CHD9: variants seen among roughly 807,000 people sequenced by gnomAD.
CHD9 encodes chromodomain helicase DNA binding protein 9.
CHD9 carries 77 observed loss-of-function variants against 316.1 expected under a neutral mutation model. The observed-to-expected ratio is 0.24, with a 90% CI of 0.20 to 0.29. The LOEUF (loss-of-function observed/expected upper bound fraction) is 0.29, where lower values mean the gene tolerates loss of function less well. Ranked by LOEUF, CHD9 falls within the 10% of genes least tolerant of loss-of-function variation. CHD9 has a pLI of 1.00. For synonymous variants in CHD9, 1,129 were observed against 1,158.3 expected (o/e 0.97, Z 0.51); for missense variants, 2,763 against 3,438.1 (o/e 0.80, Z 4.91).
intron 2 of CHD9, among the ~76,000 whole-genome samples, chr16:53,175,520 A>G (rs1295166017): frequency 6.6e-6 from 1 of 152,120 alleles, no homozygotes; most frequent in African/African-American, 2.4e-5. Context: ...GGTCCCTATT[A>G]CTCCATCTTG....
chr16:53,225,548 G>A (rs956063056), intron 4 of CHD9, among the ~76,000 whole-genome samples: 1 of 152,058 alleles, frequency 6.6e-6, no homozygotes, highest in African/African-American at 2.4e-5. Flanking sequence ...AGGGAGGTAA[G>A]TAAAGCCATG....
intron 2 of CHD9, among the ~76,000 whole-genome samples, chr16:53,190,183 A>G (rs2044366973): frequency 6.6e-6 from 1 of 152,136 alleles, no homozygotes; most frequent in South Asian, 2.1e-4. Context: ...GCAGTTTACA[A>G]TATGGCTTTC....
intron 2 of CHD9, among the ~76,000 whole-genome samples, chr16:53,164,944 C>T: frequency 6.6e-6 from 1 of 152,108 alleles, no homozygotes; most frequent in Admixed American, 6.5e-5. Flanking sequence ...CATGAGCCAC[C>T]ACTCCCAGCC....
chr16:53,090,974 T>C (rs563177068), intron 1 of CHD9, among the ~76,000 whole-genome samples: 2 of 151,534 alleles, frequency 1.3e-5, no homozygotes, highest in East Asian at 3.9e-4. Context: ...GCCCTGTGTT[T>C]TGTGGTGTGG....
At chr16:53,138,693 T>A (rs184013400) in intron 1 of CHD9, among the ~76,000 whole-genome samples, 14 of 152,294 alleles carry the variant, frequency 9.2e-5, no homozygotes, top group African/African-American at 3.4e-4. Context: ...TGATGATAAC[T>A]TTTTTTAGTG....
rs188918361 is a variant in CHD9, at chr16:53,064,348, A to C, written c.-165+9271A>C. ...GCCTCTTCTTTATTCTTGTTTCTTC[A>C]GCAGAACCTATAAAGTTATTTTGTT... is the stretch of plus-strand genomic sequence containing the variant. On this transcript the variant is annotated intron_variant, in intron 1 of 38. Transcript: ENST00000447540. Among the ~76,000 whole-genome samples, 13 of 152,202 alleles carry C rather than the reference A, an allele frequency of 8.5e-5. No homozygotes were observed. In the East Asian group the frequency reaches 2.5e-3, roughly 29 times the overall value.
At chr16:53,077,723 C>T (rs909614278) in intron 1 of CHD9, among the ~76,000 whole-genome samples, 3 of 152,196 alleles carry the variant, frequency 2.0e-5, no homozygotes, top group African/African-American at 2.4e-5. Context: ...CAGTACCTCA[C>T]ACACTTATCT....
chr16:53,125,655 C>T (rs1366690198), intron 1 of CHD9, among the ~76,000 whole-genome samples: 1 of 152,174 alleles, frequency 6.6e-6, no homozygotes, highest in African/African-American at 2.4e-5. Flanking sequence ...GATAATCTCT[C>T]ATGATGGCTT....
intron 1 of CHD9, among the ~76,000 whole-genome samples, chr16:53,093,229 G>T (rs1296589990): frequency 1.3e-5 from 2 of 152,136 alleles, no homozygotes; most frequent in Admixed American, 1.3e-4. Flanking sequence ...TATCACTTTG[G>T]TCACAACCTA....
chr16:53,127,889 G>C (rs2039040816), intron 1 of CHD9, among the ~76,000 whole-genome samples: 3 of 141,222 alleles, frequency 2.1e-5, no homozygotes, highest in African/African-American at 8.0e-5. Flanking sequence ...ATTGCAGTTA[G>C]CCGAGATCAT....
At chr16:53,307,616 T>A (rs993991568) in intron 32 of CHD9, 65 bp from the exon 33 acceptor site, 11 of 1,409,652 alleles carry the variant, frequency 7.8e-6, no homozygotes, top group Non-Finnish European at 1.1e-5. Flanking sequence ...ACTCTTGAGC[T>A]ATTTGATCTC....
intron 2 of CHD9, among the ~76,000 whole-genome samples, chr16:53,167,219 T>G (rs1342446180): frequency 1.3e-5 from 2 of 152,200 alleles, no homozygotes; most frequent in Non-Finnish European, 2.9e-5. Context: ...ATCTCTGTGT[T>G]TAGTGTTTAA....
chr16:53,215,627 A>G (rs1391766986), intron 3 of CHD9, among the ~76,000 whole-genome samples: 2 of 152,118 alleles, frequency 1.3e-5, no homozygotes, highest in South Asian at 4.1e-4. Context: ...GTGACATTAT[A>G]TTTTTGCCTT....
intron 10 of CHD9, among the ~76,000 whole-genome samples, chr16:53,232,414 C>G (rs2152927874): frequency 6.6e-6 from 1 of 152,178 alleles, no homozygotes; most frequent in South Asian, 2.1e-4. Flanking sequence ...ATTAGAGATG[C>G]CTTAGATATA....
chr16:53,212,836 G>A (rs969567236), intron 3 of CHD9, among the ~76,000 whole-genome samples: 1 of 152,108 alleles, frequency 6.6e-6, no homozygotes, highest in Admixed American at 6.6e-5. Context: ...CTGTAAAATG[G>A]GGATAGGATA....
intron 1 of CHD9, among the ~76,000 whole-genome samples, chr16:53,088,037 T>G (rs1294435237): frequency 6.6e-6 from 1 of 152,048 alleles, no homozygotes; most frequent in East Asian, 1.9e-4. Flanking sequence ...ATTCCAAGGA[T>G]GGACATGATG....
At chr16:53,222,293 C>T (rs1032632514) in intron 3 of CHD9, among the ~76,000 whole-genome samples, 1 of 152,054 alleles carries the variant, frequency 6.6e-6, no homozygotes, top group Non-Finnish European at 1.5e-5. Context: ...CCAGGCTGGT[C>T]TCGAACTCCT....
At chr16:53,181,120 C>T (rs867927030) in intron 2 of CHD9, among the ~76,000 whole-genome samples, 1 of 151,188 alleles carries the variant, frequency 6.6e-6, no homozygotes, top group Non-Finnish European at 1.5e-5. Context: ...AAGCTATTCT[C>T]CTGCCTCAGC....
At chr16:53,121,208 A>G (rs2038717153) in intron 1 of CHD9, 1 of 378,410 alleles carries the variant, frequency 2.6e-6, no homozygotes, top group East Asian at 7.2e-5. Flanking sequence ...TGCCTGAGAC[A>G]TCACAGATCC....
Sources: gnomAD v4.1 joint callset for allele counts (sites outside exome capture counted in the v4.1 genomes callset) on GRCh38, gnomAD v4.1.1 for gene constraint, MANE v1.5 for transcripts, NCBI Gene and HGNC (gene_info 2026-07-23, HGNC 2026-07-21) for gene names.